The following CACNA1B variants were observed in gnomAD, a reference collection of about 807,000 sequenced individuals.
CACNA1B encodes calcium voltage-gated channel subunit alpha1 B, also known as voltage-dependent N-type calcium channel subunit alpha-1B.
A neutral mutation model predicts 247.2 loss-of-function variants in CACNA1B; 70 were observed. That is an observed-to-expected ratio of 0.28 (90% CI 0.23 to 0.35). CACNA1B has a LOEUF of 0.35. Ranked by LOEUF, CACNA1B falls within the 10% of genes least tolerant of loss-of-function variation. The probability of loss-of-function intolerance (pLI) is 1.00; values close to 1 mark genes in which losing one functional copy is unlikely to be tolerated. For missense variants in CACNA1B, 2,367 were observed against 3,197.4 expected (o/e 0.74, Z 6.26); for synonymous variants, 1,231 against 1,294.4 (o/e 0.95, Z 1.05).
chr9:138,035,369 G>T (rs1158654808), intron 20 of CACNA1B, among the ~76,000 whole-genome samples: 1 of 152,202 alleles, frequency 6.6e-6, no homozygotes, highest in African/African-American at 2.4e-5. Flanking sequence ...TGAGGCAAGA[G>T]AATCTCTTGA....
intron 10 of CACNA1B, among the ~76,000 whole-genome samples, chr9:137,966,565 G>A (rs1241814182): frequency 6.7e-6 from 1 of 149,896 alleles, no homozygotes; most frequent in Non-Finnish European, 1.5e-5. Flanking sequence ...ATGAGACGGA[G>A]TCTTGCTCTG....
rs879750102 is a variant in CACNA1B, at chr9:137,914,929, A to G, written c.775+123A>G. On this transcript the variant is annotated intron_variant, in intron 5 of 46. Coordinates refer to ENST00000371372, the MANE Select transcript of CACNA1B (RefSeq NM_000718.4). This position sits in a 1 kb window ranked among gnomAD's most constrained non-coding sequence, Gnocchi z 4.3. ...GCCAGATACATGAGGTGGAGCTGAC[A>G]TTCTAGTGGGGGACATAGACGATAG... 59 of 993,970 alleles carry G rather than the reference A, an allele frequency of 5.9e-5. 1 individual carries two copies. The Admixed American group carries it at 8.6e-4, about 14-fold the overall frequency. 61.6% of individuals were successfully genotyped at this position (993,970 alleles called of 1,614,324 possible).
At chr9:138,015,368 C>T (rs986744562) in intron 18 of CACNA1B, among the ~76,000 whole-genome samples, 5 of 152,178 alleles carry the variant, frequency 3.3e-5, no homozygotes, top group East Asian at 1.9e-4. Context: ...CTGCACCTGG[C>T]GAGGCCTGGC....
Position 138,121,417 on chromosome 9 carries a change from C to CTTTTT in CACNA1B, c.6490-38_6490-34dup. 4 of 866,142 alleles carry CTTTTT rather than the reference C, an allele frequency of 4.6e-6. No homozygotes were observed. The highest frequency in any genetic ancestry group is 3.4e-5 in the Admixed American group (1 of 29,580). The allele number at this position is 866,142 out of a possible 1,614,324, so 53.7% of individuals were successfully genotyped here. On this transcript the variant is annotated intron_variant, in intron 46 of 46. Transcript: ENST00000371372. This position sits in a 1 kb window ranked among gnomAD's most constrained non-coding sequence, Gnocchi z 6.8. Reference sequence around the variant, plus strand: ...TGATGTGCTCTGTCTGTTGGTTCGGCTTTTTTTTTTTTTTTTTTACCTCTG... The same window carrying CTTTTT: ...TGATGTGCTCTGTCTGTTGGTTCGGCTTTTTTTTTTTTTTTTTTTTTTTACCTCTG...
chr9:138,052,377 C>T lies in CACNA1B; in HGVS notation c.3807+189C>T, dbSNP rs1959324892. On this transcript the variant is annotated intron_variant, in intron 25 of 46. Transcript: ENST00000371372. This position sits in a 1 kb window ranked among gnomAD's most constrained non-coding sequence, Gnocchi z 5.1. Reference sequence around the variant, plus strand: ...AAGTAGACCTTGTTCCCAGCAGCCTCCTGTGAGAATCCTCCTCCTTAGCCC... The same window carrying T: ...AAGTAGACCTTGTTCCCAGCAGCCTTCTGTGAGAATCCTCCTCCTTAGCCC... 6.6e-6 allele frequency among the ~76,000 whole-genome samples: 1 copy of T among 152,166 alleles called. No homozygotes were observed. The highest frequency in any genetic ancestry group is 2.4e-5 in the African/African-American group (1 of 41,434).
intron 18 of CACNA1B, among the ~76,000 whole-genome samples, chr9:138,017,962 T>C (rs1958813992): frequency 9.0e-6 from 1 of 110,638 alleles, no homozygotes; most frequent in Non-Finnish European, 1.8e-5. Flanking sequence ...CCTGCCCTGA[T>C]GGAAGTGGCC....
intron 18 of CACNA1B, chr9:138,017,109 T>G (rs2133429211): frequency 1.9e-6 from 1 of 518,672 alleles, no homozygotes; most frequent in South Asian, 1.4e-5. Context: ...GTTTTCTCAC[T>G]TCTGTCTGTT....
At chr9:137,960,139 G>C (rs986678495) in intron 10 of CACNA1B, among the ~76,000 whole-genome samples, 1 of 136,492 alleles carries the variant, frequency 7.3e-6, no homozygotes, top group African/African-American at 2.8e-5. Context: ...GACCTGGAGA[G>C]AGAGGGGAGC....
chr9:138,043,308 C>T (rs181781561), intron 20 of CACNA1B, among the ~76,000 whole-genome samples: 7 of 152,132 alleles, frequency 4.6e-5, no homozygotes, highest in South Asian at 2.1e-4. Flanking sequence ...CCTGGGATCT[C>T]GAGGAAGAAA....
At chr9:138,084,948 T>C (rs1960645869) in intron 36 of CACNA1B, among the ~76,000 whole-genome samples, 2 of 141,772 alleles carry the variant, frequency 1.4e-5, no homozygotes, top group South Asian at 4.4e-4. Context: ...CGAGACTCCA[T>C]CTCAAAGAAA....
chr9:137,934,519 A>T (rs1228202985), intron 6 of CACNA1B, among the ~76,000 whole-genome samples: 1 of 152,216 alleles, frequency 6.6e-6, no homozygotes, highest in Non-Finnish European at 1.5e-5. Context: ...TGCAGAAATA[A>T]ATCAGGAAAG....
chr9:137,915,119 A>T (rs983696654), intron 5 of CACNA1B, among the ~76,000 whole-genome samples: 2 of 152,250 alleles, frequency 1.3e-5, no homozygotes, highest in African/African-American at 4.8e-5. Flanking sequence ...CAGCATCTGA[A>T]TGCAGGGAGA....
intron 6 of CACNA1B, among the ~76,000 whole-genome samples, chr9:137,940,424 A>G (rs1432827241): frequency 6.6e-6 from 1 of 152,192 alleles, no homozygotes; most frequent in Non-Finnish European, 1.5e-5. Flanking sequence ...TGAAATGGTA[A>G]TAAAAAAATT....
chr9:138,023,300 C>A lies in CACNA1B; in HGVS notation c.2557C>A (p.Arg853=). ...CGTCGACCCTCCGCGCAGGCACCAC[C>A]GGCACCGCGACAAGGACAAGACCCC... ...EGVDPPRRHH[R]HRDKDKTPAA... Residue 853 remains arginine, a synonymous_variant, in exon 19 of 47, where the codon CGG becomes AGG. Transcript: ENST00000371372. 2 of 1,515,040 alleles carry A rather than the reference C, an allele frequency of 1.3e-6. No individual in the cohort carries two copies. Among genetic ancestry groups the A allele is most frequent in the East Asian group, 2.6e-5 (1 of 37,880 alleles). 93.8% of individuals were successfully genotyped at this position (1,515,040 alleles called of 1,614,324 possible).
At chr9:138,063,221 C>T (rs1013607275) in intron 31 of CACNA1B, among the ~76,000 whole-genome samples, 11 of 151,972 alleles carry the variant, frequency 7.2e-5, no homozygotes, top group African/African-American at 1.2e-4. Context: ...TGGGCAGGCA[C>T]AGTGGCCACA....
In CACNA1B at chr9:137,877,828, T is replaced by C. The variant is rs895441896; in HGVS notation, c.-106T>C. The stretch of plus-strand genomic sequence containing the variant: ...GGCGGTGGGGCCGGGCGAGGTCCGC[T>C]GCGGTCCCGGCGGCTCCGTGGCTGC... On this transcript the variant is annotated 5_prime_UTR_variant, in exon 1 of 47. Coordinates refer to ENST00000371372, the MANE Select transcript of CACNA1B (RefSeq NM_000718.4). 3 of 578,076 alleles carry C rather than the reference T, an allele frequency of 5.2e-6. No homozygotes were observed. The African/African-American group carries it at 6.2e-5, about 12-fold the overall frequency. The allele number at this position is 578,076 out of a possible 1,614,324, so 35.8% of individuals were successfully genotyped here.
chr9:138,119,316 C>T lies in CACNA1B; in HGVS notation c.6030+548C>T, dbSNP rs941937546. ...GGAAGCTCTGGCCCCATGTGTTTCC[C>T]GGGGGAGGCTCCTTCCACAAGGACA... is the stretch of plus-strand genomic sequence containing the variant. On this transcript the variant is annotated intron_variant, in intron 44 of 46. Transcript: ENST00000371372. Among the ~76,000 whole-genome samples the T allele has an allele frequency of 6.6e-5, 10 of 152,216 alleles. No individual in the cohort carries two copies. The East Asian group carries it at 1.2e-3, about 18-fold the overall frequency.
Position 138,023,434 on chromosome 9 carries a change from G to A in CACNA1B, c.2691G>A (p.Ala897=), listed in dbSNP as rs1241969468. ...ACCGCAGCCACAGCAAGGAGGCCGC[G>A]GGGCCCCCGGAGGCGCGGAGCGAGC... The part of the protein sequence containing the change: ...RPHRSHSKEA[A]GPPEARSERG... The change falls in exon 19 of 47, where the codon GCG becomes GCA. Residue 897 remains alanine, a synonymous_variant. Transcript: ENST00000371372. The A allele has an allele frequency of 3.8e-5, 48 of 1,267,934 alleles. No individual in the cohort carries two copies. Among genetic ancestry groups the A allele is most frequent in the Middle Eastern group, 3.0e-4 (1 of 3,318 alleles). 78.5% of individuals were successfully genotyped at this position (1,267,934 alleles called of 1,614,324 possible). A position where few individuals can be genotyped will look rare whatever the true frequency, so the allele number is the denominator to read the frequency against.
chr9:138,004,442 C>T (rs572977831), intron 15 of CACNA1B, among the ~76,000 whole-genome samples: 1 of 150,964 alleles, frequency 6.6e-6, no homozygotes, highest in Admixed American at 6.6e-5. Flanking sequence ...CCCAGTTACT[C>T]AGGAGGCTGA....
Sources: allele counts gnomAD v4.1 joint callset (sites outside exome capture counted in the v4.1 genomes callset), GRCh38; gene constraint gnomAD v4.1.1; non-coding constraint Gnocchi (gnomAD v3.1); transcripts MANE v1.5; gene names NCBI Gene and HGNC (gene_info 2026-07-23, HGNC 2026-07-21).